NUP210L: variants seen among roughly 807,000 people sequenced by gnomAD.
NUP210L encodes the protein nuclear pore membrane glycoprotein 210-like.
NUP210L carries 74 observed loss-of-function variants against 208.5 expected under a neutral mutation model. The observed-to-expected ratio is 0.35, with a 90% confidence interval of 0.29 to 0.43. The LOEUF (loss-of-function observed/expected upper bound fraction) is 0.43. Among genes scored for constraint, NUP210L ranks in the 20% least tolerant of loss-of-function variants. NUP210L has a pLI of 1.00. For missense variants in NUP210L, 1,843 were observed against 2,289.4 expected, an observed-to-expected ratio of 0.81 and a Z score of 3.98; for synonymous variants, 780 against 816.9, an observed-to-expected ratio of 0.95 and a Z score of 0.77.
intron 25 of NUP210L, among the ~76,000 whole-genome samples, chr1:154,052,677 G>C (rs1366007100): frequency 1.3e-5 from 2 of 152,158 alleles, no homozygotes; most frequent in Non-Finnish European, 2.9e-5. Flanking sequence ...TCTGATCTCA[G>C]TATTTACCAT....
chr1:154,070,826 TCA>T (rs1402415874), intron 16 of NUP210L, among the ~76,000 whole-genome samples: 1 of 152,146 alleles, frequency 6.6e-6, no homozygotes, highest in African/African-American at 2.4e-5. Context: ...AAACAGGATA[TCA>T]CACACAATAA....
At chr1:154,071,309 T>G (rs1654714711) in intron 16 of NUP210L, among the ~76,000 whole-genome samples, 1 of 151,906 alleles carries the variant, frequency 6.6e-6, no homozygotes, top group South Asian at 2.1e-4. Flanking sequence ...TTTTTTTATG[T>G]CCGTAAGTTT....
chr1:153,996,103 T>C lies in NUP210L; in HGVS notation c.5387-923A>G, dbSNP rs896814324. On this transcript the variant is annotated intron_variant, in intron 37 of 39. Coordinates refer to ENST00000368559, the Ensembl canonical transcript of NUP210L. ...GTCAGGAGATCAAGACCATCCTGGCTAACATGGTGAAACCCCGTCTCTACT... is the reference window on the plus strand; with the variant it reads ...GTCAGGAGATCAAGACCATCCTGGCCAACATGGTGAAACCCCGTCTCTACT... 2.7e-4 allele frequency: 79 copies of C among 289,650 alleles called. 1 individual carries two copies. The highest frequency in any genetic ancestry group is 1.3e-3 in the Middle Eastern group (1 of 758). The allele number at this position is 289,650 out of a possible 1,614,324, so 17.9% of individuals were successfully genotyped here.
At position 154,025,524 on chromosome 1, in the gene NUP210L, G is replaced by T. The variant is rs1270287857; in HGVS notation, c.4122+18C>A. The T allele has an allele frequency of 2.1e-6, 3 of 1,442,214 alleles. No individual in the cohort carries two copies. The highest frequency in any genetic ancestry group is 2.8e-6 in the Non-Finnish European group (3 of 1,083,598). The allele number at this position is 1,442,214 out of a possible 1,614,324, so 89.3% of individuals were successfully genotyped here. A position where few individuals can be genotyped will look rare whatever the true frequency, so the allele number is the denominator to read the frequency against. ...GACTTTTATTTATTTGTTTTTTTTA[G>T]TAAGTCCATGAACTCACCTGGACCC... On this transcript the variant is annotated intron_variant, in intron 30 of 39. Transcript: ENST00000368559.
chr1:154,062,149 C>T (rs1654174733), intron 17 of NUP210L, among the ~76,000 whole-genome samples: 1 of 151,984 alleles, frequency 6.6e-6, no homozygotes, highest in East Asian at 1.9e-4. Flanking sequence ...TTTGTGCTGA[C>T]CATGCCAATA....
chr1:154,110,559 C>T (rs376482168), intron 12 of NUP210L, among the ~76,000 whole-genome samples: 4 of 151,348 alleles, frequency 2.6e-5, no homozygotes, highest in African/African-American at 4.9e-5. Context: ...TGTGAGCCAC[C>T]GCACCCAGCC....
intron 11 of NUP210L, 117 bp from the exon 12 acceptor site, chr1:154,117,997 A>C (rs1412881277): frequency 1.4e-5 from 10 of 724,146 alleles, no homozygotes; most frequent in Middle Eastern, 3.4e-4. Flanking sequence ...ATAATAAATT[A>C]TTTTTGGACA....
intron 10 of NUP210L, among the ~76,000 whole-genome samples, chr1:154,122,432 A>C (rs1480139604): frequency 1.3e-5 from 2 of 151,832 alleles, no homozygotes; most frequent in Non-Finnish European, 1.5e-5. Context: ...CGAGGCAGGC[A>C]GATCATGAGG....
chr1:154,079,328 T>C (rs1398040958), intron 16 of NUP210L: 1 of 151,922 alleles, frequency 6.6e-6, no homozygotes, highest in Non-Finnish European at 1.5e-5. Flanking sequence ...CTTGCTATAT[T>C]GCCCAGGCTA....
intron 12 of NUP210L, among the ~76,000 whole-genome samples, chr1:154,110,079 C>CA (rs1162376911): frequency 6.7e-6 from 1 of 150,104 alleles, no homozygotes; most frequent in African/African-American, 2.5e-5. Context: ...AATAAAAATA[C>CA]AAAAAATTAG....
intron 27 of NUP210L, among the ~76,000 whole-genome samples, chr1:154,039,235 CTTT>C (rs76369289): frequency 8.9e-5 from 12 of 135,212 alleles, no homozygotes; most frequent in Non-Finnish European, 1.5e-4. Flanking sequence ...TTCTGGGAAA[CTTT>C]TTTTTTTTTT....
At chr1:154,090,215 G>GAA (rs61444934) in intron 15 of NUP210L, among the ~76,000 whole-genome samples, 15 of 140,522 alleles carry the variant, frequency 1.1e-4, no homozygotes, top group Non-Finnish European at 2.0e-4. Context: ...CCTGTCTCAG[G>GAA]AAAAAAAAAA....
chr1:154,006,865 TACATACACAC>T (rs1650563211), intron 35 of NUP210L, among the ~76,000 whole-genome samples: 1 of 141,732 alleles, frequency 7.1e-6, no homozygotes, highest in South Asian at 2.2e-4. Context: ...TATATACATA[TACATACACAC>T]ACATACATAT....
chr1:154,152,985 GAC>G, intron 1 of NUP210L, 113 bp from the exon 2 acceptor site: 2 of 870,566 alleles, frequency 2.3e-6, no homozygotes, highest in Middle Eastern at 2.3e-4. Flanking sequence ...ATATGTAAAT[GAC>G]ACTTTTTAAA....
chr1:154,085,899 TG>T (rs1191171995), intron 16 of NUP210L, among the ~76,000 whole-genome samples: 1 of 152,022 alleles, frequency 6.6e-6, no homozygotes, highest in Non-Finnish European at 1.5e-5. Context: ...CTGTGTCAAG[TG>T]GATACCAACA....
chr1:153,996,738 T>C (rs1354416952), intron 37 of NUP210L, among the ~76,000 whole-genome samples: 1 of 151,820 alleles, frequency 6.6e-6, no homozygotes, highest in Non-Finnish European at 1.5e-5. Context: ...TTTTTTAAGA[T>C]CATCAGTGAC....
chr1:154,132,409 C>T (rs1331693541), intron 7 of NUP210L, among the ~76,000 whole-genome samples: 1 of 152,150 alleles, frequency 6.6e-6, no homozygotes, highest in Non-Finnish European at 1.5e-5. Flanking sequence ...ATCTATCCCA[C>T]AGTTTTGATG....
At chr1:154,126,364 C>T in exon 10 of NUP210L, 1 of 1,613,448 alleles carries the variant, frequency 6.2e-7, no homozygotes. Flanking sequence ...ATTACCACAA[C>T]ACCATCTTTC....
At chr1:154,152,614 G>T in intron 2 of NUP210L, 122 bp downstream of exon 2, 1 of 872,284 alleles carries the variant, frequency 1.1e-6, no homozygotes, top group Non-Finnish European at 1.8e-6. Flanking sequence ...AGCCAGCTAG[G>T]AATCATTTAT....
Sources: allele counts gnomAD v4.1 joint callset (sites outside exome capture counted in the v4.1 genomes callset), GRCh38; gene constraint gnomAD v4.1.1; transcripts MANE v1.5; gene names NCBI Gene and HGNC (gene_info 2026-07-23, HGNC 2026-07-21).